Variants in EYS observed in about 807,000 individuals in gnomAD.
The protein encoded by EYS is protein eyes shut homolog.
In EYS, 250 loss-of-function variants were observed where a neutral mutation model predicts 282.1. The observed-to-expected ratio is 0.89, with a 90% CI of 0.80 to 0.98. The LOEUF (loss-of-function observed/expected upper bound fraction) is 0.98. Ranked by LOEUF, EYS falls within the 50% of genes least tolerant of loss-of-function variation. EYS has a pLI of 0.00. For missense variants in EYS, 4,016 were observed against 3,709.0 expected (o/e 1.08, Z -2.15); for synonymous variants, 1,355 against 1,282.9 (o/e 1.06, Z -1.20).
intron 22 of EYS, among the ~76,000 whole-genome samples, chr6:64,688,356 C>A (rs1038993022): frequency 2.6e-5 from 4 of 152,036 alleles, no homozygotes; most frequent in Non-Finnish European, 4.4e-5. Flanking sequence ...CTCTTATGGG[C>A]ATTTAGTGCT....
intron 1 of EYS, among the ~76,000 whole-genome samples, chr6:65,655,651 T>C (rs1767795125): frequency 6.6e-6 from 1 of 151,828 alleles, no homozygotes; most frequent in African/African-American, 2.4e-5. Context: ...TGCTGTGTGT[T>C]TTTTTATTTG....
At position 64,311,979 on chromosome 6, in the gene EYS, G is replaced by GT. The variant is rs61332669; in HGVS notation, c.6079-4898dup. Among the ~76,000 whole-genome samples the GT allele has an allele frequency of 7.0e-3, 982 of 139,908 alleles. 9 individuals are homozygous for GT. The highest frequency in any genetic ancestry group is 0.01 in the Non-Finnish European group (685 of 66,024). 91.8% of individuals were successfully genotyped at this position (139,908 alleles called of 152,430 possible). On this transcript the variant is annotated intron_variant, in intron 29 of 42. Transcript: ENST00000503581. ...GAAGCCACTGAGCTAGCTGCAGAAG[G>GT]TTTTTTTTTTTTTCATACCCCAGTG...
chr6:65,208,574 G>A (rs1305376672), intron 12 of EYS, among the ~76,000 whole-genome samples: 1 of 151,818 alleles, frequency 6.6e-6, no homozygotes, highest in Non-Finnish European at 1.5e-5. Flanking sequence ...ATGGTTGATT[G>A]GATAAAGAAA....
At chr6:64,393,910 A>G (rs1340176528) in intron 28 of EYS, among the ~76,000 whole-genome samples, 1 of 151,936 alleles carries the variant, frequency 6.6e-6, no homozygotes, top group African/African-American at 2.4e-5. Context: ...AATCTCCTTA[A>G]GCTGATAAGC....
chr6:65,106,425 A>C (rs1190537565), intron 12 of EYS, among the ~76,000 whole-genome samples: 1 of 152,018 alleles, frequency 6.6e-6, no homozygotes, highest in African/African-American at 2.4e-5. Flanking sequence ...CAGATGTCTT[A>C]AATACATAAT....
chr6:64,965,259 T>C (rs1287049543), intron 14 of EYS, among the ~76,000 whole-genome samples: 1 of 152,064 alleles, frequency 6.6e-6, no homozygotes, highest in African/African-American at 2.4e-5. Context: ...GACAAAATAT[T>C]CCTGCTTGAA....
intron 5 of EYS, among the ~76,000 whole-genome samples, chr6:65,429,639 C>T (rs890224938): frequency 5.3e-5 from 8 of 151,984 alleles, no homozygotes; most frequent in African/African-American, 1.4e-4. Flanking sequence ...AGATTACACA[C>T]TATAAACAAA....
At chr6:64,045,693 C>T (rs914906943) in intron 33 of EYS, among the ~76,000 whole-genome samples, 15 of 150,658 alleles carry the variant, frequency 1.0e-4, no homozygotes, top group South Asian at 4.2e-4. Context: ...ATGATCTGCC[C>T]GCCTCGGCCT....
At chr6:65,547,533 A>G (rs548295541) in intron 2 of EYS, among the ~76,000 whole-genome samples, 47 of 152,250 alleles carry the variant, frequency 3.1e-4, no homozygotes, top group Non-Finnish European at 5.7e-4. Flanking sequence ...GAATGTTTGC[A>G]TGCCTACTTT....
At chr6:64,100,308 A>G (rs1419174509) in intron 31 of EYS, among the ~76,000 whole-genome samples, 1 of 151,878 alleles carries the variant, frequency 6.6e-6, no homozygotes, top group African/African-American at 2.4e-5. Context: ...TGTTTAATTC[A>G]CCTTTTAAAA....
intron 28 of EYS, among the ~76,000 whole-genome samples, chr6:64,398,858 G>A (rs1039058637): frequency 6.6e-6 from 1 of 151,776 alleles, no homozygotes; most frequent in Non-Finnish European, 1.5e-5. Context: ...AGAAAAAATG[G>A]TTCAACATTT....
chr6:65,687,633 A>G (rs1769073543), intron 1 of EYS, among the ~76,000 whole-genome samples: 1 of 152,174 alleles, frequency 6.6e-6, no homozygotes, highest in African/African-American at 2.4e-5. Context: ...GAAAAGAGGA[A>G]GTCAAATTGT....
intron 25 of EYS, 36 bp from the exon 26 acceptor site, chr6:64,592,025 A>G: frequency 5.6e-6 from 8 of 1,419,408 alleles, no homozygotes; most frequent in Non-Finnish European, 7.4e-6. Context: ...GGTTAGAAAA[A>G]TGAATCAGAA....
chr6:65,041,475 A>G (rs1032454804), intron 13 of EYS, among the ~76,000 whole-genome samples: 4 of 151,698 alleles, frequency 2.6e-5, no homozygotes, highest in African/African-American at 7.3e-5. Context: ...TCTTGACCTG[A>G]ACCCTACTTT....
chr6:64,332,489 A>G (rs1255706588), intron 29 of EYS, among the ~76,000 whole-genome samples: 1 of 152,166 alleles, frequency 6.6e-6, no homozygotes, highest in African/African-American at 2.4e-5. Context: ...GATGGTCCCC[A>G]TATTGTGATC....
At chr6:64,473,181 G>A (rs1392136406) in intron 26 of EYS, among the ~76,000 whole-genome samples, 2 of 152,092 alleles carry the variant, frequency 1.3e-5, no homozygotes, top group Non-Finnish European at 2.9e-5. Flanking sequence ...GGGGATATTT[G>A]CTTTCTTATA....
At position 64,388,779 on chromosome 6, in the gene EYS, C is replaced by T. The variant is rs1039263026; in HGVS notation, c.5989G>A (p.Glu1997Lys). 2.3e-5 allele frequency: 36 copies of T among 1,544,272 alleles called. No individual in the cohort carries two copies. The highest frequency in any genetic ancestry group is 9.6e-5 in the African/African-American group (7 of 72,836). Residue 1997 changes from glutamate to lysine, a missense_variant, in exon 29 of 43, where the codon GAA becomes AAA. Physicochemically the swap from Glu to Lys is moderately conservative, Grantham distance 56. Transcript: ENST00000503581. Reference sequence around the variant, plus strand: ...TTTCCGAGTACATGATTGATAGATTCGCATATTTGTGTATTCCTCCCTAAA... The same window carrying T: ...TTTCCGAGTACATGATTGATAGATTTGCATATTTGTGTATTCCTCCCTAAA... Reference protein sequence around the residue: ...TILGRNTQICESINHVLGKPL... With the variant: ...TILGRNTQICKSINHVLGKPL...
intron 12 of EYS, among the ~76,000 whole-genome samples, chr6:65,089,954 A>AAC (rs1219184805): frequency 3.5e-5 from 5 of 142,346 alleles, no homozygotes; most frequent in African/African-American, 1.1e-4. Flanking sequence ...AAAAAAAAAA[A>AAC]AAAAAATTAT....
At chr6:64,012,459 G>A (rs1768682821) in intron 33 of EYS, among the ~76,000 whole-genome samples, 1 of 152,124 alleles carries the variant, frequency 6.6e-6, no homozygotes, top group South Asian at 2.1e-4. Context: ...CAGAGATGGA[G>A]GCACTGAAAG....
Sources: gnomAD v4.1 joint callset for allele counts (sites outside exome capture counted in the v4.1 genomes callset) on GRCh38, gnomAD v4.1.1 for gene constraint, MANE v1.5 for transcripts, NCBI Gene and HGNC (gene_info 2026-07-23, HGNC 2026-07-21) for gene names.